The following RTKN2 variants were observed in gnomAD, a reference collection of about 807,000 sequenced individuals.
RTKN2 encodes the protein rhotekin-2.
A neutral mutation model predicts 71.5 loss-of-function variants in RTKN2; 69 were observed. The ratio of observed to expected loss-of-function variants is 0.96; its 90% CI spans 0.79 to 1.18. The LOEUF (loss-of-function observed/expected upper bound fraction) is 1.18, where lower values mean the gene tolerates loss of function less well. RTKN2 is among the 50% of genes most tolerant of loss of function. The probability of loss-of-function intolerance (pLI) is 0.00; values close to 1 mark genes in which losing one functional copy is unlikely to be tolerated. For missense variants in RTKN2, 724 were observed against 719.7 expected (o/e 1.01, Z -0.07); for synonymous variants, 236 against 236.5 (o/e 1.00, Z 0.02).
At chr10:62,230,311 A>G (rs1290189741) in intron 6 of RTKN2, among the ~76,000 whole-genome samples, 2 of 151,998 alleles carry the variant, frequency 1.3e-5, no homozygotes. Flanking sequence ...AGCTAGGATT[A>G]CAGGCGCTCA....
Position 62,263,771 on chromosome 10 carries a change from C to T in RTKN2, c.61-950G>A, listed in dbSNP as rs542338192. Among the ~76,000 whole-genome samples, 3 of 152,252 alleles carry T rather than the reference C, an allele frequency of 2.0e-5. No homozygotes were observed. In the East Asian group the frequency reaches 5.8e-4, roughly 29 times the overall value. On this transcript the variant is annotated intron_variant, in intron 1 of 11. Transcript: ENST00000373789. ...GAAGCCTTAGCTATCTGGAACAGAG[C>T]TTTAGAATACAATTCTGGACATACC...
chr10:62,241,079 C>A, intron 4 of RTKN2, 63 bp downstream of exon 4: 1 of 868,610 alleles, frequency 1.2e-6, no homozygotes, highest in South Asian at 1.6e-5. Flanking sequence ...TCTTTTTTCT[C>A]AATAATCAGA....
intron 5 of RTKN2, among the ~76,000 whole-genome samples, chr10:62,236,775 A>G (rs552217710): frequency 6.6e-6 from 1 of 152,174 alleles, no homozygotes; most frequent in African/African-American, 2.4e-5. Context: ...CACACAACGG[A>G]CAACCATTCT....
chr10:62,191,399 C>G (rs975216170), downstream of RTKN2, among the ~76,000 whole-genome samples: 1 of 152,212 alleles, frequency 6.6e-6, no homozygotes, highest in Non-Finnish European at 1.5e-5. Flanking sequence ...CCTGCCTTGG[C>G]TTCCCAAAGT....
At chr10:62,223,400 T>A in intron 6 of RTKN2, 68 bp from the exon 7 acceptor site, 1 of 921,520 alleles carries the variant, frequency 1.1e-6, no homozygotes. Flanking sequence ...AATATTTGTA[T>A]GTTCAACAAC....
intron 6 of RTKN2, among the ~76,000 whole-genome samples, chr10:62,224,331 C>T (rs1343140318): frequency 1.5e-5 from 1 of 65,082 alleles, no homozygotes; most frequent in Admixed American, 1.7e-4. Context: ...TGCTTTACTA[C>T]AAAAAAGAAA....
Position 62,196,362 on chromosome 10 carries a change from T to C in RTKN2, c.*1546A>G, listed in dbSNP as rs1841331587. 3.0e-6 allele frequency: 3 copies of C among 984,432 alleles called. No homozygotes were observed. Among genetic ancestry groups the C allele is most frequent in the Non-Finnish European group, 3.6e-6 (3 of 829,130 alleles). 61.0% of individuals were successfully genotyped at this position (984,432 alleles called of 1,614,324 possible). A position where few individuals can be genotyped will look rare whatever the true frequency, so the allele number is the denominator to read the frequency against. On this transcript the variant is annotated 3_prime_UTR_variant, in exon 12 of 12. Transcript: ENST00000373789. The stretch of plus-strand genomic sequence containing the variant: ...AGTACTTTCTTCTCACCAAAAACTC[T>C]GTCTGTCCTGATGTTACCAGTCACA...
At chr10:62,257,680 A>C (rs555074075) in intron 2 of RTKN2, among the ~76,000 whole-genome samples, 1 of 152,250 alleles carries the variant, frequency 6.6e-6, no homozygotes, top group Non-Finnish European at 1.5e-5. Context: ...TGCCTATTTC[A>C]GTAAATGGAA....
chr10:62,195,073 C>G lies in RTKN2; in HGVS notation c.*2835G>C. On this transcript the variant is annotated 3_prime_UTR_variant, in exon 12 of 12. Coordinates refer to ENST00000373789, the MANE Select transcript of RTKN2 (RefSeq NM_145307.4). ...GCAAGATATTAAAATACAAAAGTTACCACTTAGTAGCAATTAAAAATAATA... is the reference window on the plus strand; with the variant it reads ...GCAAGATATTAAAATACAAAAGTTAGCACTTAGTAGCAATTAAAAATAATA... The G allele has an allele frequency of 1.0e-6, 1 of 984,248 alleles. No homozygotes were observed. The highest frequency in any genetic ancestry group is 1.2e-6 in the Non-Finnish European group (1 of 828,920). 61.0% of individuals were successfully genotyped at this position (984,248 alleles called of 1,614,324 possible). A position where few individuals can be genotyped will look rare whatever the true frequency, so the allele number is the denominator to read the frequency against.
intron 1 of RTKN2, among the ~76,000 whole-genome samples, chr10:62,265,549 T>C (rs72836911): frequency 3.3e-5 from 5 of 149,970 alleles, no homozygotes; most frequent in Non-Finnish European, 7.4e-5. Context: ...AGTGTACATA[T>C]GGTTTTCAAT....
intron 9 of RTKN2, among the ~76,000 whole-genome samples, chr10:62,213,819 A>G (rs1841712315): frequency 6.6e-6 from 1 of 152,076 alleles, no homozygotes; most frequent in Non-Finnish European, 1.5e-5. Flanking sequence ...TTTTGTTTCA[A>G]CTTTTCTGTA....
Position 62,199,843 on chromosome 10 carries a change from C to T in RTKN2, c.1205G>A (p.Cys402Tyr). 1 of 1,612,588 alleles carries T rather than the reference C, an allele frequency of 6.2e-7. No homozygotes were observed. Among genetic ancestry groups the T allele is most frequent in the East Asian group, 2.2e-5 (1 of 44,818 alleles). The change falls in exon 11 of 12, where the codon TGT becomes TAT. Residue 402 changes from cysteine (C) to tyrosine (Y), a missense_variant. Physicochemically the swap from Cys to Tyr is radical, Grantham distance 194. Coordinates refer to ENST00000373789, the MANE Select transcript of RTKN2 (RefSeq NM_145307.4). ...FFDLSQWKHC[C>Y]EELMKIEIMS... The stretch of plus-strand genomic sequence containing the variant: ...AATCTCAATTTTCATAAGTTCTTCA[C>T]AACAGTGCTTCCATTGGCCTAAGAC...
intron 8 of RTKN2, among the ~76,000 whole-genome samples, chr10:62,217,480 C>T (rs1362514344): frequency 3.9e-5 from 6 of 152,058 alleles, no homozygotes; most frequent in South Asian, 4.1e-4. Flanking sequence ...ATGGAGGCAA[C>T]GATTACCACC....
chr10:62,212,423 TGG>T (rs976478352), intron 9 of RTKN2, among the ~76,000 whole-genome samples: 3 of 151,360 alleles, frequency 2.0e-5, no homozygotes, highest in African/African-American at 7.3e-5. Flanking sequence ...ACTAAGAGAC[TGG>T]GTATGGTGGC....
rs1479091695 is a variant in RTKN2, at chr10:62,194,810, T to C, written c.*3098A>G. 8 of 985,118 alleles carry C rather than the reference T, an allele frequency of 8.1e-6. No individual in the cohort carries two copies. The highest frequency in any genetic ancestry group is 9.6e-6 in the Non-Finnish European group (8 of 829,786). 61.0% of individuals were successfully genotyped at this position (985,118 alleles called of 1,614,324 possible). A position where few individuals can be genotyped will look rare whatever the true frequency, so the allele number is the denominator to read the frequency against. On this transcript the variant is annotated 3_prime_UTR_variant, in exon 12 of 12. Coordinates refer to ENST00000373789, the MANE Select transcript of RTKN2 (RefSeq NM_145307.4). ...CAAGACAGCTTCCATTTTTAATAAA[T>C]AGTAGCAGGTAAAATGCATTTAGTA...
intron 9 of RTKN2, chr10:62,215,028 C>A (rs990816195): frequency 2.8e-6 from 4 of 1,442,836 alleles, no homozygotes; most frequent in South Asian, 2.5e-5. Context: ...GCTTTGCCTA[C>A]CTTAAAGGAC....
At chr10:62,231,534 A>G (rs1014045179) in intron 6 of RTKN2, among the ~76,000 whole-genome samples, 1 of 152,216 alleles carries the variant, frequency 6.6e-6, no homozygotes, top group South Asian at 2.1e-4. Context: ...CTTTTAAAAC[A>G]TTCTTGTCAG....
Position 62,197,894 on chromosome 10 carries a change from T to C in RTKN2, c.*14A>G, listed in dbSNP as rs1221882433. On this transcript the variant is annotated 3_prime_UTR_variant, in exon 12 of 12. Transcript: ENST00000373789. ...GTTATAGATTTTGTTAAATGTTTTA[T>C]CATTAAGAGTTTTCTATACTTGTGC... The C allele has an allele frequency of 6.3e-7, 1 of 1,586,412 alleles. No homozygotes were observed. The highest frequency in any genetic ancestry group is 1.8e-5 in the Admixed American group (1 of 54,174).
rs1295530999 is a variant in RTKN2 at position 62,204,854 on chromosome 10, T to C, written c.1186+3A>G. ...AACTAAAAAAATCCAAATATCTATT[T>C]ACTAAGATCAAAGAAATGCTGCCAG... On this transcript the variant is annotated splice_donor_region_variant and intron_variant, in intron 10 of 11. Transcript: ENST00000373789. 1 of 1,555,932 alleles carries C rather than the reference T, an allele frequency of 6.4e-7. No individual in the cohort carries two copies. The highest frequency in any genetic ancestry group is 8.6e-7 in the Non-Finnish European group (1 of 1,157,616).
Sources: gnomAD v4.1 joint callset for allele counts (sites outside exome capture counted in the v4.1 genomes callset) on GRCh38, gnomAD v4.1.1 for gene constraint, MANE v1.5 for transcripts, NCBI Gene and HGNC (gene_info 2026-07-23, HGNC 2026-07-21) for gene names.